Variants in TGFB3 observed in about 807,000 individuals in gnomAD.
The protein encoded by TGFB3 is transforming growth factor beta 3, also known as transforming growth factor beta-3 proprotein.
TGFB3 carries 5 observed loss-of-function variants against 40.1 expected under a neutral mutation model. The observed-to-expected ratio is 0.12, with a 90% CI of 0.07 to 0.26. TGFB3 has a LOEUF of 0.26. Ranked by LOEUF, TGFB3 falls within the 10% of genes least tolerant of loss-of-function variation. The probability of loss-of-function intolerance (pLI) is 1.00; values close to 1 mark genes in which losing one functional copy is unlikely to be tolerated. For missense variants in TGFB3, 373 were observed against 530.1 expected (o/e 0.70, Z 2.91); for synonymous variants, 184 against 205.6 (o/e 0.89, Z 0.90).
rs543141551 is a variant in TGFB3, at chr14:75,961,177, A to G, written c.927-101T>C. 11 of 1,378,072 alleles carry G rather than the reference A, an allele frequency of 8.0e-6. No individual in the cohort carries two copies. The African/African-American group carries it at 1.6e-4, about 20-fold the overall frequency. The allele number at this position is 1,378,072 out of a possible 1,614,324, so 85.4% of individuals were successfully genotyped here. A position where few individuals can be genotyped will look rare whatever the true frequency, so the allele number is the denominator to read the frequency against. ...TCCCTTGGAGTCCTTTCATGCCATC[A>G]TAGGTGGCTCTGATCAATGGAATCC... On this transcript the variant is annotated intron_variant, in intron 5 of 6. Coordinates refer to ENST00000238682, the MANE Select transcript of TGFB3 (RefSeq NM_003239.5).
intron 1 of TGFB3, among the ~76,000 whole-genome samples, chr14:75,976,498 G>A (rs960331780): frequency 8.5e-5 from 13 of 152,148 alleles, no homozygotes; most frequent in African/African-American, 2.7e-4. Flanking sequence ...ATGTTGTTTC[G>A]CTGATGGAAC....
intron 3 of TGFB3, 155 bp downstream of exon 3, chr14:75,970,971 T>C (rs1172912649): frequency 9.5e-7 from 1 of 1,051,874 alleles, no homozygotes; most frequent in Non-Finnish European, 1.4e-6. Context: ...TTAATAAACA[T>C]TAGTTGAGTG....
At chr14:75,962,600 C>T (rs1377867310) in intron 5 of TGFB3, among the ~76,000 whole-genome samples, 1 of 152,230 alleles carries the variant, frequency 6.6e-6, no homozygotes, top group Non-Finnish European at 1.5e-5. Flanking sequence ...AGCCTCTGCT[C>T]AAATTCCACA....
At chr14:75,976,128 G>A (rs950445343) in intron 1 of TGFB3, among the ~76,000 whole-genome samples, 3 of 152,208 alleles carry the variant, frequency 2.0e-5, no homozygotes, top group Non-Finnish European at 2.9e-5. Context: ...AGACACCTGG[G>A]TGGCTAGGTG....
intron 3 of TGFB3, chr14:75,970,542 G>A (rs1361082053): frequency 6.7e-6 from 1 of 149,362 alleles, no homozygotes; most frequent in Non-Finnish European, 1.5e-5. Context: ...TTAGGCAACA[G>A]AGCGAGACTC....
In TGFB3 at chr14:75,971,268, G is replaced by A; in HGVS notation, c.517-13C>T. ...CTGGCCGAAGGATCTACAGGGCAGA[G>A]AAAGGAGTGAGTACCCGAGACCAGG... is the stretch of plus-strand genomic sequence containing the variant. On this transcript the variant is annotated splice_polypyrimidine_tract_variant and intron_variant, in intron 2 of 6. Coordinates refer to ENST00000238682, the MANE Select transcript of TGFB3 (RefSeq NM_003239.5). The surrounding 1 kb of genome is among the most constrained non-coding windows in gnomAD (Gnocchi z 4.5). The A allele has an allele frequency of 4.3e-6, 7 of 1,614,126 alleles. No individual in the cohort carries two copies. The highest frequency in any genetic ancestry group is 5.9e-6 in the Non-Finnish European group (7 of 1,180,024).
chr14:75,980,946 A>C lies in TGFB3; in HGVS notation c.-53T>G. 1 of 1,539,546 alleles carries C rather than the reference A, an allele frequency of 6.5e-7. No homozygotes were observed. Among genetic ancestry groups the C allele is most frequent in the Non-Finnish European group, 9.0e-7 (1 of 1,115,970 alleles). ...GACGGCAAGGCCTGGAGAGGAAGAG[A>C]CCCCAGCAGACGTGCAGAAGGAGGG... On this transcript the variant is annotated 5_prime_UTR_variant, in exon 1 of 7. Coordinates refer to ENST00000238682, the MANE Select transcript of TGFB3 (RefSeq NM_003239.5). The surrounding 1 kb of genome is among the most constrained non-coding windows in gnomAD (Gnocchi z 4.3).
Position 75,971,778 on chromosome 14 carries a change from T to G in TGFB3, c.353-60A>C. The G allele has an allele frequency of 6.3e-7, 1 of 1,597,546 alleles. No homozygotes were observed. Among genetic ancestry groups the G allele is most frequent in the Non-Finnish European group, 8.6e-7 (1 of 1,169,048 alleles). ...AGCGAGACATGCAGGAACAGTGTGCTGCCAACGGACAGGCACCAAGTGGCC... is the reference window on the plus strand; with the variant it reads ...AGCGAGACATGCAGGAACAGTGTGCGGCCAACGGACAGGCACCAAGTGGCC... On this transcript the variant is annotated intron_variant, in intron 1 of 6. Coordinates refer to ENST00000238682, the MANE Select transcript of TGFB3 (RefSeq NM_003239.5). The surrounding 1 kb of genome is among the most constrained non-coding windows in gnomAD (Gnocchi z 4.5).
intron 5 of TGFB3, among the ~76,000 whole-genome samples, chr14:75,961,484 C>A (rs2035155826): frequency 6.6e-6 from 1 of 152,176 alleles, no homozygotes; most frequent in African/African-American, 2.4e-5. Context: ...TAAGTTTATG[C>A]AGCTTGACTA....
chr14:75,979,542 A>G lies in TGFB3; in HGVS notation c.352+1000T>C, dbSNP rs1353964879. On this transcript the variant is annotated intron_variant, in intron 1 of 6. Transcript: ENST00000238682. This position sits in a 1 kb window ranked among gnomAD's most constrained non-coding sequence, Gnocchi z 4.8. ...GCTGTCAGTTTCTCAACATCTGCCA[A>G]ATTTCTCTCTCTTGTATTGAGGTTT... is the stretch of plus-strand genomic sequence containing the variant. 1.3e-5 allele frequency among the ~76,000 whole-genome samples: 2 copies of G among 152,096 alleles called. No individual in the cohort carries two copies. Among genetic ancestry groups the G allele is most frequent in the African/African-American group, 2.4e-5 (1 of 41,422 alleles).
intron 1 of TGFB3, among the ~76,000 whole-genome samples, chr14:75,976,787 C>T (rs1372643977): frequency 2.6e-5 from 4 of 152,268 alleles, no homozygotes; most frequent in African/African-American, 9.6e-5. Flanking sequence ...TTTATCATGA[C>T]GCCGTGGCTT....
At chr14:75,959,426 A>T (rs2035126663) in intron 6 of TGFB3, 81 bp from the exon 7 acceptor site, 1 of 1,565,358 alleles carries the variant, frequency 6.4e-7, no homozygotes, top group East Asian at 2.3e-5. Flanking sequence ...TTCCAGGGGC[A>T]GTCCCAGAAG....
At chr14:75,974,955 G>A (rs541129708) in intron 1 of TGFB3, among the ~76,000 whole-genome samples, 1 of 151,878 alleles carries the variant, frequency 6.6e-6, no homozygotes, top group Non-Finnish European at 1.5e-5. Context: ...GCTGGGCATG[G>A]TAGCACATGT....
chr14:75,959,789 A>G (rs905703633), intron 6 of TGFB3, among the ~76,000 whole-genome samples: 7 of 151,858 alleles, frequency 4.6e-5, no homozygotes, highest in Non-Finnish European at 7.4e-5. Flanking sequence ...AAAAAAAAAA[A>G]ACTGTTGGAA....
At chr14:75,970,680 A>C (rs1056789298) in intron 3 of TGFB3, 2 of 138,038 alleles carry the variant, frequency 1.4e-5, no homozygotes, top group African/African-American at 6.3e-5. Context: ...CCAGCTCACC[A>C]TGCTCCAGCC....
At position 75,959,096 on chromosome 14, in the gene TGFB3, T is replaced by G; in HGVS notation, c.*91A>C. Reference sequence around the variant, plus strand: ...CCGAAGGTTGTGGGCTCCAGGCCTCTCAGTGAGGTTTGTTGCTTGTGTGTT... The same window carrying G: ...CCGAAGGTTGTGGGCTCCAGGCCTCGCAGTGAGGTTTGTTGCTTGTGTGTT... On this transcript the variant is annotated 3_prime_UTR_variant, in exon 7 of 7. Coordinates refer to ENST00000238682, the MANE Select transcript of TGFB3 (RefSeq NM_003239.5). 1 of 1,558,290 alleles carries G rather than the reference T, an allele frequency of 6.4e-7. No homozygotes were observed. The highest frequency in any genetic ancestry group is 8.8e-7 in the Non-Finnish European group (1 of 1,131,014).
chr14:75,965,453 G>T, intron 4 of TGFB3, 135 bp downstream of exon 4: 1 of 754,248 alleles, frequency 1.3e-6, no homozygotes, highest in Non-Finnish European at 2.3e-6. Context: ...AATTACTCAA[G>T]TACAAAATAG....
chr14:75,961,627 A>C (rs953180959), intron 5 of TGFB3, among the ~76,000 whole-genome samples: 2 of 152,228 alleles, frequency 1.3e-5, no homozygotes, highest in Non-Finnish European at 2.9e-5. Context: ...TTGCCTACAG[A>C]GATCATTTGG....
At chr14:75,965,908 T>A (rs2035216085) in intron 3 of TGFB3, 1 of 582,220 alleles carries the variant, frequency 1.7e-6, no homozygotes, top group Admixed American at 2.8e-5. Context: ...CCTGTTGTAT[T>A]ATGAATCACC....
Sources: gnomAD v4.1 joint callset for allele counts (sites outside exome capture counted in the v4.1 genomes callset) on GRCh38, gnomAD v4.1.1 for gene constraint, Gnocchi (gnomAD v3.1) non-coding constraint, MANE v1.5 for transcripts, NCBI Gene and HGNC (gene_info 2026-07-23, HGNC 2026-07-21) for gene names.